SPTBN1: variants seen among roughly 807,000 people sequenced by gnomAD.
SPTBN1 encodes spectrin beta, non-erythrocytic 1, also known as spectrin beta chain, non-erythrocytic 1.
SPTBN1 carries 32 observed loss-of-function variants against 266.4 expected under a neutral mutation model. The ratio of observed to expected loss-of-function variants is 0.12; its 90% CI spans 0.09 to 0.16. The LOEUF is 0.16. SPTBN1 is among the 10% of genes least tolerant of loss of function. SPTBN1 has a pLI of 1.00. For synonymous variants in SPTBN1, 1,336 were observed against 1,162.2 expected (o/e 1.15, Z -3.04); for missense variants, 2,296 against 3,067.1 (o/e 0.75, Z 5.94).
At chr2:54,594,711 G>A (rs2103641945) in intron 2 of SPTBN1, among the ~76,000 whole-genome samples, 1 of 152,158 alleles carries the variant, frequency 6.6e-6, no homozygotes, top group South Asian at 2.1e-4. Flanking sequence ...CATATTCTGG[G>A]ATTTTTAAAT....
chr2:54,476,197 C>T (rs551812982), intron 1 of SPTBN1, among the ~76,000 whole-genome samples: 143 of 152,216 alleles, frequency 9.4e-4, no homozygotes, highest in Non-Finnish European at 1.6e-3. Context: ...GTGCCATCCT[C>T]ACTCAAGGAC....
In SPTBN1 at chr2:54,655,901, C is replaced by A. The variant is rs374116312; in HGVS notation, c.5962-13C>A. 2 of 1,608,958 alleles carry A rather than the reference C, an allele frequency of 1.2e-6. No individual in the cohort carries two copies. Among genetic ancestry groups the A allele is most frequent in the African/African-American group, 2.7e-5 (2 of 74,784 alleles). On this transcript the variant is annotated splice_polypyrimidine_tract_variant and intron_variant, in intron 28 of 35. Coordinates refer to ENST00000356805, the MANE Select transcript of SPTBN1 (RefSeq NM_003128.3). ...TCCATTAAGATGTCCCGGGGATCCT[C>A]TTTTTCATACAGATCAAGGAAAAAT... is the stretch of plus-strand genomic sequence containing the variant.
chr2:54,457,965 A>T (rs111938617), intron 1 of SPTBN1, among the ~76,000 whole-genome samples: 1 of 152,226 alleles, frequency 6.6e-6, no homozygotes, highest in African/African-American at 2.4e-5. Flanking sequence ...GACCTGAGCC[A>T]TAGGGAGGGG....
intron 1 of SPTBN1, among the ~76,000 whole-genome samples, chr2:54,504,819 A>G (rs1669469737): frequency 6.6e-6 from 1 of 152,192 alleles, no homozygotes; most frequent in African/African-American, 2.4e-5. Context: ...AAAAGCGTAA[A>G]ATTCCCAAAT....
At chr2:54,496,442 A>T (rs1668974941) in intron 1 of SPTBN1, among the ~76,000 whole-genome samples, 1 of 150,334 alleles carries the variant, frequency 6.7e-6, no homozygotes, top group African/African-American at 2.4e-5. Flanking sequence ...CGTGTCTTAA[A>T]AAAAAAAAAA....
intron 32 of SPTBN1, chr2:54,660,390 A>G: frequency 8.8e-7 from 1 of 1,130,722 alleles, no homozygotes. Flanking sequence ...TGAAGAAGAA[A>G]ACTAGAATCT....
intron 17 of SPTBN1, among the ~76,000 whole-genome samples, 167 bp from the exon 18 acceptor site, chr2:54,637,546 T>A (rs1347621292): frequency 2.0e-5 from 3 of 152,240 alleles, no homozygotes; most frequent in Admixed American, 2.0e-4. Flanking sequence ...CTTACTCCTT[T>A]GGAGGATGCT....
intron 1 of SPTBN1, among the ~76,000 whole-genome samples, chr2:54,514,421 A>G (rs1442928359): frequency 1.3e-5 from 2 of 152,310 alleles, no homozygotes; most frequent in South Asian, 2.1e-4. Flanking sequence ...AAATGTGTCT[A>G]TTGGACTGTG....
intron 31 of SPTBN1, 84 bp from the exon 32 acceptor site, chr2:54,659,852 A>G: frequency 6.6e-7 from 1 of 1,513,324 alleles, no homozygotes; most frequent in African/African-American, 1.4e-5. Flanking sequence ...AAATTGAGTG[A>G]TGATGTTCTC....
At chr2:54,522,630 C>CAAAAA (rs72506677) in intron 1 of SPTBN1, among the ~76,000 whole-genome samples, 30 of 113,840 alleles carry the variant, frequency 2.6e-4, no homozygotes, top group Non-Finnish European at 4.9e-4. Flanking sequence ...GACTCTGTCT[C>CAAAAA]AAAAAGAAAG....
At position 54,666,009 on chromosome 2, in the gene SPTBN1, G is replaced by A; in HGVS notation, c.6754G>A (p.Glu2252Lys). The A allele has an allele frequency of 1.9e-6, 3 of 1,614,052 alleles. No individual in the cohort carries two copies. The highest frequency in any genetic ancestry group is 2.5e-6 in the Non-Finnish European group (3 of 1,180,012). ...TAASGIPYHS[E>K]VPVSLKEAVC... The stretch of plus-strand genomic sequence containing the variant: ...TGCTTCTGGAATTCCCTACCACAGC[G>A]AGGTCCCTGTGAGTTTGAAAGAAGC... Residue 2252 changes from glutamate to lysine, a missense_variant, in exon 34 of 36, where the codon GAG becomes AAG. Glu to Lys is a moderately conservative substitution (Grantham distance 56). Around this residue, in one of 12 missense-constraint regions of SPTBN1, gnomAD observed 347 missense variants for 368.5 expected, o/e 0.94. Transcript: ENST00000356805.
intron 11 of SPTBN1, among the ~76,000 whole-genome samples, chr2:54,625,695 A>G (rs1020047505): frequency 6.6e-6 from 1 of 151,854 alleles, no homozygotes; most frequent in Admixed American, 6.6e-5. Context: ...GGTTCAAGCG[A>G]TTTTCCTGCC....
chr2:54,524,279 C>G (rs1670666132), intron 1 of SPTBN1, among the ~76,000 whole-genome samples: 1 of 152,134 alleles, frequency 6.6e-6, no homozygotes, highest in Non-Finnish European at 1.5e-5. Flanking sequence ...CTTTTCACTC[C>G]TTTCTTCCTA....
intron 2 of SPTBN1, among the ~76,000 whole-genome samples, chr2:54,544,523 A>G (rs536685724): frequency 1.3e-5 from 2 of 152,314 alleles, no homozygotes; most frequent in African/African-American, 4.8e-5. Context: ...TGAGAATCAG[A>G]TACTTTTACA....
rs1467618937 is a variant in SPTBN1 at position 54,670,059 on chromosome 2, T to C, written c.*1490T>C. On this transcript the variant is annotated 3_prime_UTR_variant, in exon 36 of 36. Coordinates refer to ENST00000356805, the MANE Select transcript of SPTBN1 (RefSeq NM_003128.3). ...AATACAAAGGCAGCCATTGACGGTATGTGAATGCCTGGGCATGGCTGTGTT... is the reference window on the plus strand; with the variant it reads ...AATACAAAGGCAGCCATTGACGGTACGTGAATGCCTGGGCATGGCTGTGTT... The C allele has an allele frequency of 2.0e-5, 3 of 152,246 alleles. No homozygotes were observed. Among genetic ancestry groups the C allele is most frequent in the African/African-American group, 7.2e-5 (3 of 41,452 alleles). The allele number at this position is 152,246 out of a possible 1,614,324, so 9.4% of individuals were successfully genotyped here. A position where few individuals can be genotyped will look rare whatever the true frequency, so the allele number is the denominator to read the frequency against.
chr2:54,532,814 C>T (rs967237794), intron 2 of SPTBN1, among the ~76,000 whole-genome samples: 3 of 152,116 alleles, frequency 2.0e-5, no homozygotes, highest in Admixed American at 2.0e-4. Flanking sequence ...ACTACGTCTT[C>T]CCCTAATTTG....
At chr2:54,492,165 C>T (rs1238560559) in intron 1 of SPTBN1, among the ~76,000 whole-genome samples, 1 of 152,022 alleles carries the variant, frequency 6.6e-6, no homozygotes, top group Non-Finnish European at 1.5e-5. Flanking sequence ...TAATTCTGGT[C>T]CAGTTTACGG....
At chr2:54,535,951 C>T (rs182158051) in intron 2 of SPTBN1, among the ~76,000 whole-genome samples, 10 of 152,272 alleles carry the variant, frequency 6.6e-5, no homozygotes, top group African/African-American at 7.2e-5. Flanking sequence ...ATCTGGGAGG[C>T]GGAAGTTGCA....
In SPTBN1 at chr2:54,667,611, G is replaced by T. The variant is rs762237997; in HGVS notation, c.6841G>T (p.Asp2281Tyr). 6 of 1,613,918 alleles carry T rather than the reference G, an allele frequency of 3.7e-6. No homozygotes were observed. The highest frequency in any genetic ancestry group is 3.4e-6 in the Non-Finnish European group (4 of 1,179,840). Residue 2281 changes from aspartate to tyrosine, a missense_variant, in exon 35 of 36, where the codon GAT (aspartate) becomes TAT (tyrosine). By Grantham distance (160) the Asp-to-Tyr change is radical. This residue lies in a region of SPTBN1 where 347 missense variants were observed against 368.5 expected (regional missense o/e 0.94). Transcript: ENST00000356805. ...TCTTCCTTGAAATTACAGACTAAAT[G>T]ATGGCAATGAGTACCTCTTCCAAGC... is the stretch of plus-strand genomic sequence containing the variant. ...KKHVFKLRLN[D>Y]GNEYLFQAKD...
Sources: gnomAD v4.1 joint callset for allele counts (sites outside exome capture counted in the v4.1 genomes callset) on GRCh38, gnomAD v4.1.1 for gene constraint, gnomAD v4.1.1 regional missense constraint, MANE v1.5 for transcripts, NCBI Gene and HGNC (gene_info 2026-07-23, HGNC 2026-07-21) for gene names.